The following CCDC149 variants were observed in gnomAD, a reference collection of about 807,000 sequenced individuals.
CCDC149 encodes coiled-coil domain-containing protein 149.
CCDC149 carries 45 observed loss-of-function variants against 59.9 expected under a neutral mutation model. The observed-to-expected ratio is 0.75, with a 90% CI of 0.59 to 0.96. The LOEUF (loss-of-function observed/expected upper bound fraction) is 0.96. CCDC149 is among the 40% of genes least tolerant of loss of function. The pLI, the probability that CCDC149 is intolerant of heterozygous loss-of-function variation, is 0.00. For synonymous variants in CCDC149, 245 were observed against 260.6 expected, an observed-to-expected ratio of 0.94 and a Z score of 0.58; for missense variants, 584 against 664.7, an observed-to-expected ratio of 0.88 and a Z score of 1.33.
chr4:24,942,147 A>G (rs1004292474), intron 1 of CCDC149, among the ~76,000 whole-genome samples: 5 of 152,252 alleles, frequency 3.3e-5, no homozygotes, highest in Non-Finnish European at 7.3e-5. Context: ...AAAATCCTCA[A>G]TAAAATACTG....
At chr4:24,953,997 A>AGAAAGAAAAAAGATG (rs1723389825) in intron 1 of CCDC149, among the ~76,000 whole-genome samples, 1 of 152,086 alleles carries the variant, frequency 6.6e-6, no homozygotes, top group African/African-American at 2.4e-5. Flanking sequence ...TCTGAGGAAC[A>AGAAAGAAAAAAGATG]GAAAGAAAAA....
At chr4:24,885,098 GT>G (rs1720082315) in intron 1 of CCDC149, among the ~76,000 whole-genome samples, 2 of 152,192 alleles carry the variant, frequency 1.3e-5, no homozygotes, top group African/African-American at 4.8e-5. Flanking sequence ...GTGGTGGAGG[GT>G]GGGAGTACAA....
chr4:24,804,676 A>G (rs1225148757), downstream of CCDC149, among the ~76,000 whole-genome samples: 1 of 152,118 alleles, frequency 6.6e-6, no homozygotes, highest in Admixed American at 6.5e-5. Context: ...TCATTCCTTA[A>G]AGAGGAGACA....
chr4:24,812,032 C>T (rs1714644056), intron 12 of CCDC149, among the ~76,000 whole-genome samples: 1 of 152,180 alleles, frequency 6.6e-6, no homozygotes, highest in African/African-American at 2.4e-5. Flanking sequence ...CATGGTCACA[C>T]TGCCTTTTTT....
chr4:24,878,584 C>T (rs371366007), intron 1 of CCDC149, among the ~76,000 whole-genome samples: 7 of 152,216 alleles, frequency 4.6e-5, no homozygotes, highest in African/African-American at 1.7e-4. Flanking sequence ...CCTTGTTCCT[C>T]CAGTTCTTTT....
chr4:24,899,981 C>T (rs1208119004), intron 1 of CCDC149, among the ~76,000 whole-genome samples: 1 of 152,142 alleles, frequency 6.6e-6, no homozygotes, highest in Non-Finnish European at 1.5e-5. Context: ...CTAGAACACC[C>T]TTCCTTGACA....
At chr4:24,865,179 A>C (rs1350948871) in intron 3 of CCDC149, among the ~76,000 whole-genome samples, 1 of 152,216 alleles carries the variant, frequency 6.6e-6, no homozygotes, top group Non-Finnish European at 1.5e-5. Flanking sequence ...TGACCTAGGC[A>C]CTTTCTCAAG....
chr4:24,951,458 A>G (rs1017861914), intron 1 of CCDC149, among the ~76,000 whole-genome samples: 1 of 152,232 alleles, frequency 6.6e-6, no homozygotes, highest in Admixed American at 6.5e-5. Flanking sequence ...TATTAATGGG[A>G]AAAATAATTT....
rs772122753 is a variant in CCDC149 at position 24,808,761 on chromosome 4, C to A, written c.1251G>T (p.Ala417=). The change falls in exon 13 of 13, where the codon GCG becomes GCT. Residue 417 remains alanine (A), a synonymous_variant. Transcript: ENST00000635206. ...CAGCGGGCCTCCCAGCATCCTCAGG[C>A]GCTGTCAACGCCTCAGCAGCGGCAC... The A allele has an allele frequency of 6.4e-7, 1 of 1,551,906 alleles. No individual in the cohort carries two copies. The highest frequency in any genetic ancestry group is 8.7e-7 in the Non-Finnish European group (1 of 1,147,040).
intron 1 of CCDC149, among the ~76,000 whole-genome samples, chr4:24,912,419 G>C (rs1721928156): frequency 6.6e-6 from 1 of 152,142 alleles, no homozygotes; most frequent in Non-Finnish European, 1.5e-5. Context: ...CCAGGGCTCG[G>C]ATTCTCCCCC....
At chr4:24,924,746 T>C (rs1683044536) in intron 1 of CCDC149, among the ~76,000 whole-genome samples, 2 of 152,222 alleles carry the variant, frequency 1.3e-5, no homozygotes, top group South Asian at 4.1e-4. Context: ...TTCTTGGAAG[T>C]CATTCAACAT....
intron 1 of CCDC149, among the ~76,000 whole-genome samples, chr4:24,888,705 G>A (rs73250618): frequency 0.074 from 11,333 of 152,150 alleles, 535 homozygotes; most frequent in Middle Eastern, 0.12. Context: ...TCCAGCCTGC[G>A]GCAATCCCTA....
chr4:24,840,286 C>G (rs113435663), intron 4 of CCDC149, among the ~76,000 whole-genome samples: 1 of 152,112 alleles, frequency 6.6e-6, no homozygotes, highest in African/African-American at 2.4e-5. Flanking sequence ...TGGAACAGAC[C>G]GTGCAAAGGC....
chr4:24,893,549 G>A (rs1028988324), intron 1 of CCDC149, among the ~76,000 whole-genome samples: 1 of 148,200 alleles, frequency 6.7e-6, no homozygotes, highest in African/African-American at 2.5e-5. Flanking sequence ...GTACATCAGG[G>A]CATTATGTAG....
chr4:24,922,321 T>C (rs1371197759), intron 1 of CCDC149, among the ~76,000 whole-genome samples: 4 of 152,208 alleles, frequency 2.6e-5, no homozygotes, highest in Non-Finnish European at 4.4e-5. Context: ...GAATGTTCAC[T>C]TTGTGTAGGT....
At chr4:24,927,081 C>T (rs1271204931) in intron 1 of CCDC149, among the ~76,000 whole-genome samples, 1 of 152,166 alleles carries the variant, frequency 6.6e-6, no homozygotes, top group African/African-American at 2.4e-5. Flanking sequence ...CCAAGCTTGT[C>T]TGGATTTGAG....
chr4:24,816,398 A>T (rs996753624), intron 12 of CCDC149, among the ~76,000 whole-genome samples: 1 of 151,956 alleles, frequency 6.6e-6, no homozygotes, highest in African/African-American at 2.4e-5. Flanking sequence ...CTTTTTTTTT[A>T]AATCCAAAAG....
intron 1 of CCDC149, among the ~76,000 whole-genome samples, chr4:24,942,718 T>C (rs1303766774): frequency 6.6e-6 from 1 of 152,170 alleles, no homozygotes; most frequent in Non-Finnish European, 1.5e-5. Context: ...ACAAAATCAA[T>C]GTGCAAAAAT....
intron 1 of CCDC149, among the ~76,000 whole-genome samples, chr4:24,952,834 C>A (rs1185350783): frequency 6.6e-6 from 1 of 151,492 alleles, no homozygotes; most frequent in Non-Finnish European, 1.5e-5. Context: ...CTCACCTTTC[C>A]CCCCATCTTC....
Sources: allele counts gnomAD v4.1 joint callset (sites outside exome capture counted in the v4.1 genomes callset), GRCh38; gene constraint gnomAD v4.1.1; transcripts MANE v1.5; gene names NCBI Gene and HGNC (gene_info 2026-07-23, HGNC 2026-07-21).